The following LRP1B variants were observed in gnomAD, a reference collection of about 807,000 sequenced individuals.
LRP1B encodes the protein LDL receptor related protein 1B.
A neutral mutation model predicts 556.6 loss-of-function variants in LRP1B; 217 were observed. The ratio of observed to expected loss-of-function variants is 0.39; its 90% CI spans 0.35 to 0.44. The LOEUF is 0.44. LRP1B is among the 20% of genes least tolerant of loss of function. LRP1B has a pLI of 1.00. For synonymous variants in LRP1B, 2,047 were observed against 1,865.8 expected (o/e 1.10, Z -2.50); for missense variants, 5,053 against 5,620.8 (o/e 0.90, Z 3.23).
intron 2 of LRP1B, among the ~76,000 whole-genome samples, chr2:141,532,514 T>A (rs1684922274): frequency 6.6e-6 from 1 of 152,092 alleles, no homozygotes; most frequent in East Asian, 1.9e-4. Flanking sequence ...TTTTATTTTT[T>A]TTTTCAGCAT....
At chr2:141,945,519 T>A (rs766032689) in intron 1 of LRP1B, among the ~76,000 whole-genome samples, 3 of 147,314 alleles carry the variant, frequency 2.0e-5, no homozygotes, top group Non-Finnish European at 3.0e-5. Context: ...TCAGTTTATA[T>A]TGTATATGTA....
At chr2:140,961,717 T>C (rs1358437686) in intron 18 of LRP1B, among the ~76,000 whole-genome samples, 1 of 152,116 alleles carries the variant, frequency 6.6e-6, no homozygotes, top group East Asian at 1.9e-4. Flanking sequence ...CAATATAATA[T>C]TATTTTCTAT....
At chr2:140,255,707 A>T (rs1295217363) in intron 86 of LRP1B, among the ~76,000 whole-genome samples, 1 of 152,200 alleles carries the variant, frequency 6.6e-6, no homozygotes, top group Non-Finnish European at 1.5e-5. Context: ...AATACATAGG[A>T]ATGCACATAC....
At chr2:141,612,603 C>A (rs1261833969) in intron 2 of LRP1B, among the ~76,000 whole-genome samples, 2 of 152,098 alleles carry the variant, frequency 1.3e-5, no homozygotes, top group South Asian at 2.1e-4. Context: ...TAGAAATACA[C>A]CCAAAGTTAC....
chr2:141,066,063 C>T (rs748388474), intron 7 of LRP1B, among the ~76,000 whole-genome samples: 5 of 151,968 alleles, frequency 3.3e-5, no homozygotes, highest in Non-Finnish European at 7.4e-5. Context: ...TTTTAAATGT[C>T]ATTCTAGTTT....
At chr2:140,982,616 T>C (rs2105344393) in intron 17 of LRP1B, among the ~76,000 whole-genome samples, 1 of 150,676 alleles carries the variant, frequency 6.6e-6, no homozygotes, top group South Asian at 2.1e-4. Flanking sequence ...TTCATCCAAC[T>C]CTTAATTAAC....
At chr2:141,869,501 G>A (rs1049047494) in intron 1 of LRP1B, among the ~76,000 whole-genome samples, 45 of 152,078 alleles carry the variant, frequency 3.0e-4, no homozygotes, top group African/African-American at 1.0e-3. Flanking sequence ...ATTTTCAATA[G>A]CATAGATTCG....
At chr2:142,070,701 TGA>T (rs1705280035) in intron 1 of LRP1B, among the ~76,000 whole-genome samples, 1 of 151,868 alleles carries the variant, frequency 6.6e-6, no homozygotes, top group African/African-American at 2.4e-5. Context: ...ATATTGATAT[TGA>T]TATTGATTAA....
At chr2:142,115,372 G>A (rs999897134) in intron 1 of LRP1B, among the ~76,000 whole-genome samples, 1 of 146,624 alleles carries the variant, frequency 6.8e-6, no homozygotes, top group East Asian at 2.0e-4. Flanking sequence ...GTGGCCAAAG[G>A]TGGAACAATT....
intron 63 of LRP1B, among the ~76,000 whole-genome samples, chr2:140,445,423 A>G (rs1015646278): frequency 6.6e-6 from 1 of 152,138 alleles, no homozygotes; most frequent in Non-Finnish European, 1.5e-5. Flanking sequence ...CCCACGATAC[A>G]TATTCTCCAG....
At chr2:142,065,467 G>A (rs1705077733) in intron 1 of LRP1B, among the ~76,000 whole-genome samples, 1 of 150,898 alleles carries the variant, frequency 6.6e-6, no homozygotes, top group East Asian at 2.0e-4. Flanking sequence ...ATCTCCCTCT[G>A]ACTCTCTTGT....
At chr2:141,823,964 G>T (rs1696842121) in intron 1 of LRP1B, among the ~76,000 whole-genome samples, 2 of 152,156 alleles carry the variant, frequency 1.3e-5, no homozygotes, top group Admixed American at 6.5e-5. Context: ...GTGAGCCACT[G>T]AGCTGGCCTG....
At chr2:140,892,810 A>AT (rs1693837315) in intron 23 of LRP1B, among the ~76,000 whole-genome samples, 7 of 152,178 alleles carry the variant, frequency 4.6e-5, no homozygotes, top group Admixed American at 4.6e-4. Flanking sequence ...TGCATGCTCT[A>AT]CGACACTATC....
At chr2:141,071,925 C>A (rs2105484460) in intron 7 of LRP1B, among the ~76,000 whole-genome samples, 1 of 152,278 alleles carries the variant, frequency 6.6e-6, no homozygotes, top group Non-Finnish European at 1.5e-5. Context: ...AATGGCCATA[C>A]TGCCCAAGGT....
chr2:141,084,201 T>G (rs2104891906), intron 7 of LRP1B, among the ~76,000 whole-genome samples: 1 of 152,290 alleles, frequency 6.6e-6, no homozygotes, highest in Non-Finnish European at 1.5e-5. Context: ...TGTTCATGGA[T>G]ACCTGATTCA....
At chr2:141,094,628 C>A (rs1457678290) in intron 7 of LRP1B, among the ~76,000 whole-genome samples, 1 of 152,088 alleles carries the variant, frequency 6.6e-6, no homozygotes. Flanking sequence ...CCTTTCTGGG[C>A]TAAAGAATAT....
At chr2:140,359,298 T>C (rs903213779) in intron 72 of LRP1B, among the ~76,000 whole-genome samples, 1 of 151,604 alleles carries the variant, frequency 6.6e-6, no homozygotes, top group African/African-American at 2.4e-5. Flanking sequence ...AAGAGCAATT[T>C]CACACAGCAT....
chr2:141,371,268 G>A (rs1373608206), intron 3 of LRP1B, among the ~76,000 whole-genome samples: 1 of 152,088 alleles, frequency 6.6e-6, no homozygotes, highest in Non-Finnish European at 1.5e-5. Flanking sequence ...TGTTCTTTCA[G>A]TTACTATGGC....
In LRP1B at chr2:140,628,315, G is replaced by C. The variant is rs558648434; in HGVS notation, c.6800-26676C>G. Among the ~76,000 whole-genome samples, 8 of 152,072 alleles carry C rather than the reference G, an allele frequency of 5.3e-5. No individual in the cohort carries two copies. The East Asian group carries it at 1.5e-3, about 29-fold the overall frequency. On this transcript the variant is annotated intron_variant, in intron 41 of 90. Coordinates refer to ENST00000389484, the MANE Select transcript of LRP1B (RefSeq NM_018557.3). ...GGAGGCCGAGGCGGGAGGATCACGAGGTCAGGAGATCAAGACCATCCTGGC... is the reference window on the plus strand; with the variant it reads ...GGAGGCCGAGGCGGGAGGATCACGACGTCAGGAGATCAAGACCATCCTGGC...
Sources: gnomAD v4.1 joint callset for allele counts (sites outside exome capture counted in the v4.1 genomes callset) on GRCh38, gnomAD v4.1.1 for gene constraint, MANE v1.5 for transcripts, NCBI Gene and HGNC (gene_info 2026-07-23, HGNC 2026-07-21) for gene names.